SMYD1: variants seen among roughly 807,000 people sequenced by gnomAD.
The protein encoded by SMYD1 is SET and MYND domain containing 1.
In SMYD1, 49 loss-of-function variants were observed where a neutral mutation model predicts 54.0. The ratio of observed to expected loss-of-function variants is 0.91; its 90% CI spans 0.72 to 1.15. The LOEUF (loss-of-function observed/expected upper bound fraction) is 1.15, where lower values mean the gene tolerates loss of function less well. Among genes scored for constraint, SMYD1 ranks in the 50% most tolerant of loss-of-function variants. SMYD1 has a pLI of 0.00. For synonymous variants in SMYD1, 269 were observed against 234.2 expected, an observed-to-expected ratio of 1.15 and a Z score of -1.36; for missense variants, 653 against 639.6, an observed-to-expected ratio of 1.02 and a Z score of -0.23.
In SMYD1 at chr2:88,108,384, C is replaced by A. The variant is rs375802266; in HGVS notation, c.1159C>A (p.Pro387Thr). 1.9e-6 allele frequency: 3 copies of A among 1,593,788 alleles called. No individual in the cohort carries two copies. Among genetic ancestry groups the A allele is most frequent in the African/African-American group, 2.7e-5 (2 of 73,948 alleles). The change falls in exon 9 of 10, where the codon CCC (proline) becomes ACC (threonine). Residue 387 changes from proline to threonine, a missense_variant. Transcript: ENST00000419482. ...ATGCTCCCACAGGAAGCTCTACCAC[C>A]CCAACAATGCCCAACTGGGCATGGC... ...MVDGYMKLYH[P>T]NNAQLGMAVM...
intron 3 of SMYD1, among the ~76,000 whole-genome samples, chr2:88,088,561 T>C (rs1197773140): frequency 6.6e-6 from 1 of 152,212 alleles, no homozygotes; most frequent in Non-Finnish European, 1.5e-5. Flanking sequence ...TCCTGCTGTA[T>C]CTGAATTGGC....
chr2:88,095,813 G>A (rs898730236), intron 5 of SMYD1, among the ~76,000 whole-genome samples: 1 of 152,214 alleles, frequency 6.6e-6, no homozygotes. Flanking sequence ...GGCTCAGCTG[G>A]ATGTCAGTTC....
chr2:88,103,238 C>A (rs570840940), intron 7 of SMYD1, 88 bp downstream of exon 7: 2 of 603,800 alleles, frequency 3.3e-6, no homozygotes, highest in Non-Finnish European at 5.5e-6. Context: ...TGAGAACGGG[C>A]GGCGGGGGAG....
rs1252400919 is a variant in SMYD1, at chr2:88,106,478, G to C, written c.1135G>C (p.Asp379His). 1.9e-6 allele frequency: 3 copies of C among 1,614,036 alleles called. No individual in the cohort carries two copies. The highest frequency in any genetic ancestry group is 3.3e-5 in the Admixed American group (2 of 60,028). ...EASFYARRMV[D>H]GYMKLYHPNN... ...CTCGTTCTATGCCAGGAGGATGGTG[G>C]ACGGCTATATGTAGGTGACGATTCT... is the stretch of plus-strand genomic sequence containing the variant. Residue 379 changes from aspartate to histidine, a missense_variant, in exon 8 of 10, where the codon GAC becomes CAC. Transcript: ENST00000419482.
chr2:88,109,447 A>C (rs1236817117), intron 9 of SMYD1, among the ~76,000 whole-genome samples: 3 of 152,136 alleles, frequency 2.0e-5, no homozygotes, highest in African/African-American at 7.2e-5. Context: ...TCAGTAAAAT[A>C]GGGGGAAAGG....
intron 1 of SMYD1, 56 bp downstream of exon 1, chr2:88,068,057 TA>T: frequency 6.5e-7 from 1 of 1,544,644 alleles, no homozygotes. Flanking sequence ...GGCCAAACTC[TA>T]AAATACTTTG....
intron 6 of SMYD1, among the ~76,000 whole-genome samples, chr2:88,098,896 T>A (rs1007391072): frequency 6.6e-6 from 1 of 152,202 alleles, no homozygotes; most frequent in Non-Finnish European, 1.5e-5. Context: ...AAACCTTCAA[T>A]TGCCATCAAA....
intron 7 of SMYD1, among the ~76,000 whole-genome samples, chr2:88,104,666 C>A (rs1674816478): frequency 6.6e-6 from 1 of 152,252 alleles, no homozygotes; most frequent in African/African-American, 2.4e-5. Flanking sequence ...GCCCCCACCA[C>A]CTCGGGTTGC....
At chr2:88,089,857 GC>G (rs1180209964) in intron 3 of SMYD1, among the ~76,000 whole-genome samples, 1 of 151,862 alleles carries the variant, frequency 6.6e-6, no homozygotes, top group East Asian at 1.9e-4. Flanking sequence ...CTTCCAAAGT[GC>G]TGGGATTACA....
chr2:88,069,141 T>C (rs1673894858), intron 1 of SMYD1, among the ~76,000 whole-genome samples: 1 of 152,214 alleles, frequency 6.6e-6, no homozygotes, highest in African/African-American at 2.4e-5. Flanking sequence ...GGTGATTACA[T>C]TAAATTGTCA....
intron 6 of SMYD1, among the ~76,000 whole-genome samples, chr2:88,098,402 C>A (rs1395213197): frequency 6.6e-6 from 1 of 152,074 alleles, no homozygotes; most frequent in African/African-American, 2.4e-5. Flanking sequence ...ACACACATCT[C>A]CAGTATGAAT....
intron 7 of SMYD1, among the ~76,000 whole-genome samples, chr2:88,104,273 T>C (rs1674804758): frequency 2.0e-5 from 3 of 152,224 alleles, no homozygotes; most frequent in Admixed American, 6.5e-5. Flanking sequence ...GCCTCATTTC[T>C]ATTTCTATTT....
Position 88,087,859 on chromosome 2 carries a change from C to CGAAG in SMYD1, c.315-3_315-2insGAAG. Reference sequence around the variant, plus strand: ...TGGCCTCCTGACGCTGCCCTTCCCACAGGCTGGCGGCGCGCATCATGTGGC... The same window carrying CGAAG: ...TGGCCTCCTGACGCTGCCCTTCCCACGAAGAGGCTGGCGGCGCGCATCATGTGGC... On this transcript the variant is annotated splice_region_variant and splice_polypyrimidine_tract_variant and intron_variant, in intron 2 of 9. Transcript: ENST00000419482. 6.4e-7 allele frequency: 1 copy of CGAAG among 1,563,296 alleles called. No homozygotes were observed. Among genetic ancestry groups the CGAAG allele is most frequent in the Non-Finnish European group, 8.7e-7 (1 of 1,154,220 alleles).
chr2:88,086,955 G>A (rs1323069483), intron 2 of SMYD1, among the ~76,000 whole-genome samples: 1 of 146,584 alleles, frequency 6.8e-6, no homozygotes, highest in Non-Finnish European at 1.5e-5. Context: ...TCTAGCATTA[G>A]GTACATCTCC....
At position 88,103,133 on chromosome 2, in the gene SMYD1, G is replaced by C. The variant is rs761800685; in HGVS notation, c.964G>C (p.Glu322Gln). Residue 322 changes from glutamate (E) to glutamine (Q), a missense_variant, in exon 7 of 10, where the codon GAG (glutamate) becomes CAG (glutamine). Transcript: ENST00000419482. ...GGAAAAGATAGACAAGGCTCGTTCC[G>C]AGGGTTTGTATCATGAGGTAAGAAT... ...TLEKIDKARS[E>Q]GLYHEVVKLC... is the part of the protein sequence containing the mutation. 28 of 1,613,664 alleles carry C rather than the reference G, an allele frequency of 1.7e-5. No individual in the cohort carries two copies. In the South Asian group the frequency reaches 3.0e-4, roughly 17 times the overall value.
rs113256425 is a variant in SMYD1, at chr2:88,088,252, C to A, written c.528+177C>A. Among the ~76,000 whole-genome samples, 21 of 152,300 alleles carry A rather than the reference C, an allele frequency of 1.4e-4. 1 individual carries two copies. Among genetic ancestry groups the A allele is most frequent in the Middle Eastern group, 3.4e-3 (1 of 294 alleles). ...CATCTAGCCCAGGCAGCCAGAGGCG[C>A]TGGAGAAACCGCCTTCTATTTACCG... On this transcript the variant is annotated intron_variant, in intron 3 of 9. Transcript: ENST00000419482.
Position 88,099,817 on chromosome 2 carries a change from C to T in SMYD1, c.888+3033C>T, listed in dbSNP as rs57246476. Among the ~76,000 whole-genome samples, 1,022 of 152,210 alleles carry T rather than the reference C, an allele frequency of 6.7e-3. 12 individuals are homozygous for T. Among genetic ancestry groups the T allele is most frequent in the African/African-American group, 0.023 (946 of 41,544 alleles). ...AACATCCTTCTTACCCCTTCTCCTT[C>T]CTCTTTGGCTCCTTTTCCTCTGGCT... On this transcript the variant is annotated intron_variant, in intron 6 of 9. Transcript: ENST00000419482.
At chr2:88,100,202 C>T (rs944186402) in intron 6 of SMYD1, among the ~76,000 whole-genome samples, 6 of 152,136 alleles carry the variant, frequency 3.9e-5, no homozygotes, top group East Asian at 1.9e-4. Context: ...GGAACAGCCC[C>T]GTTTCCTTTC....
intron 1 of SMYD1, among the ~76,000 whole-genome samples, chr2:88,079,629 G>C (rs1207872921): frequency 6.6e-6 from 1 of 152,176 alleles, no homozygotes; most frequent in Non-Finnish European, 1.5e-5. Flanking sequence ...AGACTAGCCT[G>C]ACCAACATGG....
Sources: gnomAD v4.1 joint callset for allele counts (sites outside exome capture counted in the v4.1 genomes callset) on GRCh38, gnomAD v4.1.1 for gene constraint, MANE v1.5 for transcripts, NCBI Gene and HGNC (gene_info 2026-07-23, HGNC 2026-07-21) for gene names.